The following ZFAND6 variants were observed in gnomAD, a reference collection of about 807,000 sequenced individuals.
ZFAND6 encodes the protein AN1-type zinc finger protein 6.
ZFAND6 carries 12 observed loss-of-function variants against 24.5 expected under a neutral mutation model. The observed-to-expected ratio is 0.49, with a 90% confidence interval of 0.31 to 0.79. The LOEUF (loss-of-function observed/expected upper bound fraction) is 0.79. Among genes scored for constraint, ZFAND6 ranks in the 30% least tolerant of loss-of-function variants. ZFAND6 has a pLI of 0.04. For missense variants in ZFAND6, 207 were observed against 245.9 expected (o/e 0.84, Z 1.06); for synonymous variants, 92 against 81.5 (o/e 1.13, Z -0.69).
intron 2 of ZFAND6, among the ~76,000 whole-genome samples, chr15:80,119,935 A>G (rs1018621173): frequency 6.6e-6 from 1 of 152,248 alleles, no homozygotes; most frequent in African/African-American, 2.4e-5. Flanking sequence ...AAAAGTTTAA[A>G]TGCTTAGATA....
chr15:80,123,403 A>T (rs1007426764), intron 5 of ZFAND6, among the ~76,000 whole-genome samples: 1 of 152,192 alleles, frequency 6.6e-6, no homozygotes, highest in Non-Finnish European at 1.5e-5. Context: ...TTTGGAGGCT[A>T]TTAAATAATC....
chr15:80,066,312 C>T (rs1364546418), intron 1 of ZFAND6, among the ~76,000 whole-genome samples: 4 of 148,510 alleles, frequency 2.7e-5, no homozygotes, highest in Non-Finnish European at 5.9e-5. Context: ...CCCAATCTAT[C>T]GAAACATAAA....
intron 6 of ZFAND6, among the ~76,000 whole-genome samples, chr15:80,134,660 G>GGT (rs1289454266): frequency 6.6e-6 from 1 of 152,194 alleles, no homozygotes; most frequent in East Asian, 1.9e-4. Context: ...AAAGGTTGGG[G>GGT]GTTAAGGATT....
chr15:80,128,378 G>T (rs970285379), intron 5 of ZFAND6, among the ~76,000 whole-genome samples: 3 of 152,182 alleles, frequency 2.0e-5, no homozygotes, highest in Non-Finnish European at 2.9e-5. Context: ...AGGATGACTT[G>T]TGAGTGCAAA....
upstream of ZFAND6, among the ~76,000 whole-genome samples, chr15:80,059,355 C>T (rs576751163): frequency 6.6e-6 from 1 of 152,376 alleles, no homozygotes; most frequent in East Asian, 1.9e-4. Flanking sequence ...CTCTTAATCG[C>T]CTTCCCGTAG....
chr15:80,084,238 C>T (rs1023213786), intron 1 of ZFAND6, among the ~76,000 whole-genome samples: 4 of 152,118 alleles, frequency 2.6e-5, no homozygotes, highest in African/African-American at 7.2e-5. Context: ...AAGTGTAGGT[C>T]GATCATCCCA....
At chr15:80,105,749 A>G (rs2039290304) in intron 2 of ZFAND6, among the ~76,000 whole-genome samples, 1 of 152,188 alleles carries the variant, frequency 6.6e-6, no homozygotes, top group Non-Finnish European at 1.5e-5. Flanking sequence ...TGTATATATA[A>G]CAGTTGTTTT....
At chr15:80,119,869 T>C (rs542471343) in intron 2 of ZFAND6, among the ~76,000 whole-genome samples, 95 of 152,328 alleles carry the variant, frequency 6.2e-4, no homozygotes, top group Admixed American at 7.8e-4. Context: ...AATGATACTA[T>C]GTGAAATGCT....
chr15:80,113,732 A>T (rs2039725887), intron 2 of ZFAND6, among the ~76,000 whole-genome samples: 1 of 152,118 alleles, frequency 6.6e-6, no homozygotes, highest in Non-Finnish European at 1.5e-5. Flanking sequence ...GGTTCATGTT[A>T]GGCATAAAGA....
intron 1 of ZFAND6, among the ~76,000 whole-genome samples, chr15:80,086,888 A>G (rs899607464): frequency 2.0e-5 from 3 of 152,202 alleles, no homozygotes; most frequent in African/African-American, 7.2e-5. Flanking sequence ...CATTCCAAGT[A>G]TTTCACGTAA....
intron 1 of ZFAND6, among the ~76,000 whole-genome samples, chr15:80,096,162 G>A (rs1372740466): frequency 6.6e-6 from 1 of 152,190 alleles, no homozygotes; most frequent in Admixed American, 6.5e-5. Flanking sequence ...TAAAGAGTTG[G>A]TAATAATAGC....
At chr15:80,133,095 G>A (rs1014524850) in intron 6 of ZFAND6, among the ~76,000 whole-genome samples, 5 of 152,000 alleles carry the variant, frequency 3.3e-5, no homozygotes, top group Non-Finnish European at 5.9e-5. Context: ...GGCATACTAT[G>A]ATTCAAGAAA....
chr15:80,066,210 G>A (rs1455929805), intron 1 of ZFAND6, among the ~76,000 whole-genome samples: 2 of 151,952 alleles, frequency 1.3e-5, no homozygotes, highest in African/African-American at 4.8e-5. Flanking sequence ...AATAGAAGGT[G>A]CTAATTGGAT....
intron 2 of ZFAND6, among the ~76,000 whole-genome samples, chr15:80,119,925 A>C (rs2040072911): frequency 6.6e-6 from 1 of 152,246 alleles, no homozygotes; most frequent in Non-Finnish European, 1.5e-5. Context: ...AACTTCCAGC[A>C]AAAGTTTAAA....
At chr15:80,069,659 G>A (rs1051423712) in intron 1 of ZFAND6, among the ~76,000 whole-genome samples, 1 of 151,858 alleles carries the variant, frequency 6.6e-6, no homozygotes, top group African/African-American at 2.4e-5. Flanking sequence ...TAGAGACAGA[G>A]TCTTACTCTA....
chr15:80,137,297 A>G (rs576946882), intron 6 of ZFAND6, among the ~76,000 whole-genome samples, 183 bp from the exon 7 acceptor site: 2 of 152,374 alleles, frequency 1.3e-5, no homozygotes, highest in South Asian at 2.1e-4. Context: ...GCGTTTGTAG[A>G]TAGGAATAAG....
At position 80,120,713 on chromosome 15, in the gene ZFAND6, TC is replaced by T. The variant is rs1452562884; in HGVS notation, c.154+216del. 7.3e-5 allele frequency: 23 copies of T among 313,088 alleles called. 1 individual carries two copies. In the South Asian group the frequency reaches 2.8e-3, roughly 38 times the overall value. The allele number at this position is 313,088 out of a possible 1,614,324, so 19.4% of individuals were successfully genotyped here. Reference sequence around the variant, plus strand: ...AAAATACTGTAAATTCATACCATAATCTTATTTCTGTGGCTGTGGAATTCTG... The same window carrying T: ...AAAATACTGTAAATTCATACCATAATTTATTTCTGTGGCTGTGGAATTCTG... On this transcript the variant is annotated intron_variant, in intron 3 of 6. Transcript: ENST00000261749.
chr15:80,069,225 TGTTTG>T (rs1398345196), intron 1 of ZFAND6, among the ~76,000 whole-genome samples: 1 of 152,260 alleles, frequency 6.6e-6, no homozygotes, highest in Non-Finnish European at 1.5e-5. Flanking sequence ...TATGATATGT[TGTTTG>T]GCACATGAAA....
At chr15:80,108,663 T>G (rs907477950) in intron 2 of ZFAND6, among the ~76,000 whole-genome samples, 1 of 152,158 alleles carries the variant, frequency 6.6e-6, no homozygotes, top group African/African-American at 2.4e-5. Flanking sequence ...TAAATGAACC[T>G]CTTTCTGAGT....
Sources: allele counts gnomAD v4.1 joint callset (sites outside exome capture counted in the v4.1 genomes callset), GRCh38; gene constraint gnomAD v4.1.1; transcripts MANE v1.5; gene names NCBI Gene and HGNC (gene_info 2026-07-23, HGNC 2026-07-21).